Variants in ZFPM2 observed in about 807,000 individuals in gnomAD.
ZFPM2 encodes zinc finger protein ZFPM2.
In ZFPM2, 20 loss-of-function variants were observed where a neutral mutation model predicts 98.6. That is an observed-to-expected ratio of 0.20 (90% CI 0.14 to 0.29). The LOEUF is 0.29. Among genes scored for constraint, ZFPM2 ranks in the 10% least tolerant of loss-of-function variants. ZFPM2 has a pLI of 1.00. For synonymous variants in ZFPM2, 518 were observed against 502.7 expected (o/e 1.03, Z -0.41); for missense variants, 1,310 against 1,388.6 (o/e 0.94, Z 0.90).
chr8:105,734,604 A>C (rs771577758), intron 5 of ZFPM2, among the ~76,000 whole-genome samples: 7 of 151,940 alleles, frequency 4.6e-5, no homozygotes, highest in African/African-American at 9.7e-5. Context: ...AAGTAAATGG[A>C]TACAGGGTGG....
At chr8:105,350,473 AAG>A (rs759642390) in intron 1 of ZFPM2, among the ~76,000 whole-genome samples, 75 of 152,214 alleles carry the variant, frequency 4.9e-4, no homozygotes, top group Non-Finnish European at 1.0e-4. Flanking sequence ...GATAAATAAA[AAG>A]AGAGTAGTGT....
intron 4 of ZFPM2, among the ~76,000 whole-genome samples, chr8:105,566,192 A>G (rs1328381745): frequency 1.3e-5 from 2 of 152,170 alleles, no homozygotes; most frequent in Non-Finnish European, 2.9e-5. Flanking sequence ...GGCAATTAAA[A>G]TGAACCATCA....
intron 4 of ZFPM2, among the ~76,000 whole-genome samples, chr8:105,588,939 G>A (rs71522747): frequency 0.11 from 16,001 of 152,256 alleles, 1,041 homozygotes; most frequent in South Asian, 0.2. Flanking sequence ...ACCGAAGTCA[G>A]AGGAAATGCG....
chr8:105,758,305 A>C lies in ZFPM2; in HGVS notation c.533-30413A>C, dbSNP rs184799614. Among the ~76,000 whole-genome samples the C allele has an allele frequency of 1.6e-4, 24 of 152,186 alleles. No homozygotes were observed. The East Asian group carries it at 4.1e-3, about 26-fold the overall frequency. Reference sequence around the variant, plus strand: ...GATCATGATGTCACTGCAGTTCTGAAAATTTGGAGAATCTTGCCTATCCAA... The same window carrying C: ...GATCATGATGTCACTGCAGTTCTGACAATTTGGAGAATCTTGCCTATCCAA... On this transcript the variant is annotated intron_variant, in intron 5 of 7. Transcript: ENST00000407775.
chr8:105,611,742 A>G (rs2078826669), intron 4 of ZFPM2, among the ~76,000 whole-genome samples: 1 of 150,136 alleles, frequency 6.7e-6, no homozygotes, highest in Non-Finnish European at 1.5e-5. Flanking sequence ...CTTGTTGCCC[A>G]GTCTGGAGTG....
At chr8:105,757,446 C>G (rs1812629260) in intron 5 of ZFPM2, among the ~76,000 whole-genome samples, 1 of 152,074 alleles carries the variant, frequency 6.6e-6, no homozygotes, top group Admixed American at 6.6e-5. Flanking sequence ...AATGTTTAAG[C>G]AGTCACCTGT....
At chr8:105,586,447 G>T (rs1470227026) in intron 4 of ZFPM2, among the ~76,000 whole-genome samples, 1 of 151,758 alleles carries the variant, frequency 6.6e-6, no homozygotes. Flanking sequence ...TTTTGAGATG[G>T]AGTCTCATTC....
At chr8:105,496,699 C>T (rs1813475685) in intron 3 of ZFPM2, among the ~76,000 whole-genome samples, 1 of 139,676 alleles carries the variant, frequency 7.2e-6, no homozygotes, top group Non-Finnish European at 1.5e-5. Context: ...GAGACGGAGT[C>T]AGGCCGGGCA....
chr8:105,749,454 T>G (rs1812426874), intron 5 of ZFPM2, among the ~76,000 whole-genome samples: 1 of 152,076 alleles, frequency 6.6e-6, no homozygotes, highest in South Asian at 2.1e-4. Context: ...GAAACCTGCA[T>G]TACTTCCTCC....
intron 3 of ZFPM2, among the ~76,000 whole-genome samples, chr8:105,535,217 C>G (rs1276580156): frequency 2.0e-5 from 3 of 152,242 alleles, no homozygotes; most frequent in African/African-American, 7.2e-5. Flanking sequence ...AAAGGAAAGA[C>G]TGTCTGTTTC....
chr8:105,723,912 A>AT (rs1278418598), intron 5 of ZFPM2, among the ~76,000 whole-genome samples: 1 of 151,688 alleles, frequency 6.6e-6, no homozygotes, highest in Non-Finnish European at 1.5e-5. Flanking sequence ...CTCCTCAATG[A>AT]TTTTTTTAAT....
chr8:105,582,048 T>TA (rs1424736768), intron 4 of ZFPM2, among the ~76,000 whole-genome samples: 2 of 152,246 alleles, frequency 1.3e-5, no homozygotes, highest in African/African-American at 2.4e-5. Flanking sequence ...TTCTGTTTAA[T>TA]AGTAAAGTTA....
chr8:105,657,884 C>A (rs1817315617), intron 5 of ZFPM2, among the ~76,000 whole-genome samples: 1 of 152,040 alleles, frequency 6.6e-6, no homozygotes, highest in Non-Finnish European at 1.5e-5. Flanking sequence ...TACATGCCTA[C>A]CAAATTAATA....
intron 4 of ZFPM2, among the ~76,000 whole-genome samples, chr8:105,600,090 A>T (rs1362676294): frequency 1.3e-5 from 2 of 152,128 alleles, no homozygotes; most frequent in African/African-American, 4.8e-5. Flanking sequence ...ATCACTGCTG[A>T]GCCGACCACA....
intron 5 of ZFPM2, among the ~76,000 whole-genome samples, chr8:105,747,160 A>G (rs2131044816): frequency 6.6e-6 from 1 of 152,224 alleles, no homozygotes; most frequent in Non-Finnish European, 1.5e-5. Context: ...TTTATTTTTA[A>G]GAATGAAGAA....
At chr8:105,487,177 A>G (rs748109315) in intron 3 of ZFPM2, among the ~76,000 whole-genome samples, 18 of 152,222 alleles carry the variant, frequency 1.2e-4, no homozygotes, top group African/African-American at 3.4e-4. Context: ...CAGTGGTGCA[A>G]TCATGGCTCA....
intron 3 of ZFPM2, among the ~76,000 whole-genome samples, chr8:105,515,777 G>A (rs951977691): frequency 3.9e-5 from 6 of 152,098 alleles, no homozygotes; most frequent in Admixed American, 2.6e-4. Context: ...ACTCCGTGCA[G>A]ACATTGGGGA....
chr8:105,516,369 T>C (rs1237687187), intron 3 of ZFPM2, among the ~76,000 whole-genome samples: 2 of 151,884 alleles, frequency 1.3e-5, no homozygotes, highest in Admixed American at 1.3e-4. Context: ...AGTGTGTGTG[T>C]TGGTTTTCTC....
chr8:105,418,279 G>A (rs912051969), intron 1 of ZFPM2, among the ~76,000 whole-genome samples: 7 of 152,000 alleles, frequency 4.6e-5, no homozygotes, highest in Non-Finnish European at 8.8e-5. Context: ...ACTTCTTTAG[G>A]AGCAAATGCA....
Sources: gnomAD v4.1 joint callset for allele counts (sites outside exome capture counted in the v4.1 genomes callset) on GRCh38, gnomAD v4.1.1 for gene constraint, MANE v1.5 for transcripts, NCBI Gene and HGNC (gene_info 2026-07-23, HGNC 2026-07-21) for gene names.